Variants in GUCY1A2 observed in about 807,000 individuals in gnomAD.
The protein encoded by GUCY1A2 is guanylate cyclase 1 soluble subunit alpha 2.
GUCY1A2 carries 27 observed loss-of-function variants against 63.5 expected under a neutral mutation model. That is an observed-to-expected ratio of 0.43 (90% CI 0.31 to 0.59). The LOEUF (loss-of-function observed/expected upper bound fraction) is 0.59, where lower values mean the gene tolerates loss of function less well. Among genes scored for constraint, GUCY1A2 ranks in the 20% least tolerant of loss-of-function variants. The probability of loss-of-function intolerance (pLI) is 0.11; values close to 1 mark genes in which losing one functional copy is unlikely to be tolerated. For synonymous variants in GUCY1A2, 364 were observed against 343.5 expected, an observed-to-expected ratio of 1.06 and a Z score of -0.66; for missense variants, 768 against 913.3, an observed-to-expected ratio of 0.84 and a Z score of 2.05.
At chr11:107,013,869 T>C (rs961346059) in intron 1 of GUCY1A2, among the ~76,000 whole-genome samples, 2 of 152,158 alleles carry the variant, frequency 1.3e-5, no homozygotes, top group African/African-American at 2.4e-5. Flanking sequence ...AAAATAAAGA[T>C]AATGATTAAA....
chr11:106,801,766 A>G (rs1318167790), intron 5 of GUCY1A2, among the ~76,000 whole-genome samples: 1 of 152,098 alleles, frequency 6.6e-6, no homozygotes, highest in Non-Finnish European at 1.5e-5. Flanking sequence ...GGGAATGGAT[A>G]CCCCATTTTC....
At chr11:106,986,160 T>C (rs1281421820) in intron 1 of GUCY1A2, 29 bp from the exon 2 acceptor site, 2 of 1,138,126 alleles carry the variant, frequency 1.8e-6, no homozygotes, top group Middle Eastern at 1.9e-4. Context: ...AATAAAAACA[T>C]ATTATCAGCA....
At chr11:106,740,727 G>A (rs1204685320) in intron 6 of GUCY1A2, among the ~76,000 whole-genome samples, 1 of 151,652 alleles carries the variant, frequency 6.6e-6, no homozygotes, top group African/African-American at 2.4e-5. Flanking sequence ...AGGCTGGAGT[G>A]CAATGGTGTG....
chr11:106,709,370 A>G (rs1242237141), intron 6 of GUCY1A2, among the ~76,000 whole-genome samples: 1 of 99,470 alleles, frequency 1.0e-5, no homozygotes, highest in Non-Finnish European at 1.8e-5. Context: ...TAATATATAT[A>G]AATTATATAT....
intron 4 of GUCY1A2, among the ~76,000 whole-genome samples, chr11:106,924,102 A>C (rs184109919): frequency 1.3e-5 from 2 of 152,336 alleles, no homozygotes; most frequent in Non-Finnish European, 2.9e-5. Context: ...ATTTTCCAGA[A>C]GCAGTACACA....
intron 1 of GUCY1A2, among the ~76,000 whole-genome samples, chr11:107,015,519 G>C (rs1378699369): frequency 8.7e-6 from 1 of 114,588 alleles, no homozygotes; most frequent in Non-Finnish European, 1.6e-5. Context: ...CATTATCAGA[G>C]GCATTGACAT....
In GUCY1A2 at chr11:106,810,322, C is replaced by A; in HGVS notation, c.1363G>T (p.Val455Phe). 1 of 1,613,930 alleles carries A rather than the reference C, an allele frequency of 6.2e-7. No individual in the cohort carries two copies. The highest frequency in any genetic ancestry group is 1.3e-5 in the African/African-American group (1 of 75,034). ...TCTTGGGCCTTTGCCTGCTCACCAA[C>A]CAAAATGACATCTCGGGTGGCATCA... ...IHDATRDVIL[V>F]GEQAKAQDGL... Residue 455 changes from valine to phenylalanine, a missense_variant, in exon 5 of 8, where the codon GTT becomes TTT. Coordinates refer to ENST00000526355, the MANE Select transcript of GUCY1A2 (RefSeq NM_000855.3).
intron 4 of GUCY1A2, among the ~76,000 whole-genome samples, chr11:106,918,231 C>A (rs1056777617): frequency 6.9e-6 from 1 of 144,176 alleles, no homozygotes; most frequent in African/African-American, 2.5e-5. Context: ...TTACTTGCAA[C>A]CACCTGTGTT....
intron 4 of GUCY1A2, among the ~76,000 whole-genome samples, chr11:106,900,579 G>A (rs1565325495): frequency 2.0e-5 from 3 of 152,200 alleles, no homozygotes; most frequent in African/African-American, 7.2e-5. Context: ...AGACTCGTGT[G>A]TTTCTAATGA....
At chr11:106,843,135 A>G (rs1859223577) in intron 4 of GUCY1A2, among the ~76,000 whole-genome samples, 1 of 151,976 alleles carries the variant, frequency 6.6e-6, no homozygotes, top group Non-Finnish European at 1.5e-5. Flanking sequence ...CTGCTTGTGA[A>G]AACAATTGCT....
intron 4 of GUCY1A2, among the ~76,000 whole-genome samples, chr11:106,870,915 T>C (rs1016500341): frequency 1.2e-4 from 18 of 152,196 alleles, no homozygotes; most frequent in African/African-American, 4.1e-4. Context: ...CTATTCTTGC[T>C]TTCTCCTAGG....
intron 4 of GUCY1A2, among the ~76,000 whole-genome samples, chr11:106,860,079 C>T (rs1859488922): frequency 6.6e-6 from 1 of 151,746 alleles, no homozygotes; most frequent in African/African-American, 2.4e-5. Context: ...CTTTTAATTG[C>T]TATTTTACTA....
At chr11:106,962,973 A>G (rs1458721002) in intron 3 of GUCY1A2, among the ~76,000 whole-genome samples, 1 of 152,072 alleles carries the variant, frequency 6.6e-6, no homozygotes, top group African/African-American at 2.4e-5. Context: ...TATCTTCTAA[A>G]CAGTTGACTT....
At chr11:106,870,346 T>C (rs991018142) in intron 4 of GUCY1A2, among the ~76,000 whole-genome samples, 1 of 152,088 alleles carries the variant, frequency 6.6e-6, no homozygotes, top group South Asian at 2.1e-4. Flanking sequence ...CACTGTTAAA[T>C]TGAATTTGAT....
chr11:107,002,735 C>T (rs1364366578), intron 1 of GUCY1A2, among the ~76,000 whole-genome samples: 2 of 152,144 alleles, frequency 1.3e-5, no homozygotes, highest in Non-Finnish European at 2.9e-5. Flanking sequence ...GTCAGTGCAG[C>T]TGCCATCATT....
At chr11:106,709,489 TATA>T (rs1863009280) in intron 6 of GUCY1A2, among the ~76,000 whole-genome samples, 1 of 21,538 alleles carries the variant, frequency 4.6e-5, no homozygotes, top group South Asian at 1.4e-3. Context: ...TATATATTTA[TATA>T]TATATAATAA....
intron 4 of GUCY1A2, among the ~76,000 whole-genome samples, chr11:106,911,719 T>C (rs1340077438): frequency 6.6e-6 from 1 of 152,072 alleles, no homozygotes; most frequent in Non-Finnish European, 1.5e-5. Context: ...TGCACAAACA[T>C]GAACAATGCT....
intron 4 of GUCY1A2, among the ~76,000 whole-genome samples, chr11:106,908,090 T>C (rs1331113825): frequency 1.3e-5 from 2 of 152,084 alleles, no homozygotes; most frequent in Non-Finnish European, 2.9e-5. Flanking sequence ...ACACCAAATG[T>C]AGTAAAAATA....
chr11:106,797,126 C>T lies in GUCY1A2; in HGVS notation c.1692+12867G>A, dbSNP rs112926488. ...CTCGTGCCATGGTTTTCTGCTCCATCGGGTCATTTAAGGACTTCTCTACAA... is the reference window on the plus strand; with the variant it reads ...CTCGTGCCATGGTTTTCTGCTCCATTGGGTCATTTAAGGACTTCTCTACAA... On this transcript the variant is annotated intron_variant, in intron 5 of 7. Coordinates refer to ENST00000526355, the MANE Select transcript of GUCY1A2 (RefSeq NM_000855.3). Among the ~76,000 whole-genome samples, 339 of 152,226 alleles carry T rather than the reference C, an allele frequency of 2.2e-3. 2 individuals carry two copies. Among genetic ancestry groups the T allele is most frequent in the Non-Finnish European group, 3.1e-3 (208 of 68,004 alleles).
Sources: allele counts gnomAD v4.1 joint callset (sites outside exome capture counted in the v4.1 genomes callset), GRCh38; gene constraint gnomAD v4.1.1; transcripts MANE v1.5; gene names NCBI Gene and HGNC (gene_info 2026-07-23, HGNC 2026-07-21).